SLC35D4: variants seen among roughly 807,000 people sequenced by gnomAD.
The protein encoded by SLC35D4 is UDP-N-acetylglucosamine transporter SLC35D4.
At chr18:23,313,528 T>C in the SLC35D4 span, among the ~76,000 whole-genome samples, 1 of 152,072 alleles carries the variant, frequency 6.6e-6, no homozygotes, top group Non-Finnish European at 1.5e-5. Flanking sequence ...TCATCCAGGA[T>C]GATCAGTAAT....
chr18:23,385,890 GGGAGGCCGAGAAGAGTGAATCACGA>G, the SLC35D4 span, among the ~76,000 whole-genome samples: 1 of 151,984 alleles, frequency 6.6e-6, no homozygotes, highest in Admixed American at 6.6e-5. Context: ...CCAGCACTTT[GGGAGGCCGAGAAGAGTGAATCACGA>G]GGTCAGGAGA....
the SLC35D4 span, among the ~76,000 whole-genome samples, chr18:23,410,334 G>A: frequency 8.6e-5 from 13 of 151,968 alleles, no homozygotes; most frequent in African/African-American, 1.2e-4. Context: ...AAAATTATCC[G>A]GGTGCGGTGG....
At chr18:23,432,838 G>A in the SLC35D4 span, among the ~76,000 whole-genome samples, 1 of 151,654 alleles carries the variant, frequency 6.6e-6, no homozygotes, top group Non-Finnish European at 1.5e-5. Context: ...AAAATTAGCC[G>A]GACATGGTTG....
the SLC35D4 span, among the ~76,000 whole-genome samples, chr18:23,368,413 G>A: frequency 2.0e-5 from 3 of 152,214 alleles, no homozygotes; most frequent in Non-Finnish European, 4.4e-5. Flanking sequence ...GGGGATTCAA[G>A]GACACAATCT....
At chr18:23,357,711 T>C in the SLC35D4 span, among the ~76,000 whole-genome samples, 2 of 152,256 alleles carry the variant, frequency 1.3e-5, no homozygotes, top group Non-Finnish European at 2.9e-5. Context: ...CTATGCTTTC[T>C]TGGAGACCCA....
At chr18:23,306,492 G>A in the SLC35D4 span, among the ~76,000 whole-genome samples, 1 of 152,134 alleles carries the variant, frequency 6.6e-6, no homozygotes, top group Non-Finnish European at 1.5e-5. Flanking sequence ...TTTTAGTAGA[G>A]ACAGGGTTTC....
At chr18:23,371,500 T>G in the SLC35D4 span, 2 of 1,555,580 alleles carry the variant, frequency 1.3e-6, no homozygotes, top group Non-Finnish European at 1.7e-6. Context: ...AAAGAAAAAA[T>G]GGCTATAAGT....
the SLC35D4 span, among the ~76,000 whole-genome samples, chr18:23,248,782 A>G: frequency 1.3e-5 from 2 of 152,308 alleles, no homozygotes; most frequent in South Asian, 2.1e-4. Context: ...CTGAGATCAC[A>G]CCATTGCACT....
chr18:23,278,005 A>C, the SLC35D4 span, among the ~76,000 whole-genome samples: 1 of 152,318 alleles, frequency 6.6e-6, no homozygotes, highest in Admixed American at 6.5e-5. Flanking sequence ...TACTGTGTTT[A>C]TTGGCCAAAG....
the SLC35D4 span, among the ~76,000 whole-genome samples, chr18:23,281,195 T>C: frequency 6.6e-6 from 1 of 152,218 alleles, no homozygotes; most frequent in Admixed American, 6.5e-5. Context: ...TACAATTAGA[T>C]AGTGATAACG....
chr18:23,284,930 T>C, the SLC35D4 span, among the ~76,000 whole-genome samples: 2 of 152,248 alleles, frequency 1.3e-5, no homozygotes, highest in East Asian at 3.9e-4. Context: ...CGTGGGCAGG[T>C]GGCCCCTCTA....
At chr18:23,269,626 A>C in the SLC35D4 span, among the ~76,000 whole-genome samples, 1 of 152,220 alleles carries the variant, frequency 6.6e-6, no homozygotes, top group African/African-American at 2.4e-5. Flanking sequence ...GAAGACAGGA[A>C]GATGTGGGAA....
chr18:23,338,737 C>T, the SLC35D4 span, among the ~76,000 whole-genome samples: 2 of 152,148 alleles, frequency 1.3e-5, no homozygotes, highest in Non-Finnish European at 2.9e-5. Context: ...TATGTCCCCC[C>T]GGGTCCTTGA....
At chr18:23,370,048 G>A in the SLC35D4 span, among the ~76,000 whole-genome samples, 28 of 152,158 alleles carry the variant, frequency 1.8e-4, no homozygotes, top group Middle Eastern at 3.4e-3. Context: ...GCATGGTGGC[G>A]CATGCCTGTA....
the SLC35D4 span, among the ~76,000 whole-genome samples, chr18:23,427,015 A>G: frequency 6.6e-6 from 1 of 152,238 alleles, no homozygotes; most frequent in African/African-American, 2.4e-5. Flanking sequence ...ACAAAAATTA[A>G]TTCAAGATGG....
the SLC35D4 span, among the ~76,000 whole-genome samples, chr18:23,291,765 G>C: frequency 9.2e-5 from 14 of 152,336 alleles, no homozygotes; most frequent in Admixed American, 2.0e-4. Context: ...ATTGGCTACA[G>C]GTAAGTCGCA....
chr18:23,280,847 C>G, the SLC35D4 span, among the ~76,000 whole-genome samples: 2 of 152,072 alleles, frequency 1.3e-5, no homozygotes, highest in Admixed American at 1.3e-4. Context: ...ACCATGCCCC[C>G]CCGTCTCCTC....
chr18:23,385,966 C>T, the SLC35D4 span, among the ~76,000 whole-genome samples: 43 of 151,748 alleles, frequency 2.8e-4, no homozygotes, highest in Non-Finnish European at 6.0e-4. Flanking sequence ...CCCGTCTCTA[C>T]TAAAAATACA....
At chr18:23,363,654 G>A in the SLC35D4 span, among the ~76,000 whole-genome samples, 15 of 152,234 alleles carry the variant, frequency 9.9e-5, no homozygotes, top group African/African-American at 1.4e-4. Context: ...GATTACAGGC[G>A]TGAGTCACCA....
Sources: allele counts gnomAD v4.1 joint callset (sites outside exome capture counted in the v4.1 genomes callset), GRCh38; gene constraint gnomAD v4.1.1; transcripts MANE v1.5; gene names NCBI Gene and HGNC (gene_info 2026-07-23, HGNC 2026-07-21).